Variants in APBA1 observed in about 807,000 individuals in gnomAD.
APBA1 encodes the protein amyloid beta precursor protein binding family A member 1.
Under a neutral mutation model 86.6 loss-of-function variants are expected in APBA1, and 55 were observed. That is an observed-to-expected ratio of 0.64 (90% CI 0.51 to 0.80). APBA1 has a LOEUF of 0.80. Among genes scored for constraint, APBA1 ranks in the 30% least tolerant of loss-of-function variants. The pLI is 0.00. For synonymous variants in APBA1, 511 were observed against 493.9 expected (o/e 1.03, Z -0.46); for missense variants, 1,090 against 1,183.0 (o/e 0.92, Z 1.15).
At chr9:69,586,392 G>T (rs867388076) in intron 1 of APBA1, among the ~76,000 whole-genome samples, 1 of 151,974 alleles carries the variant, frequency 6.6e-6, no homozygotes, top group Non-Finnish European at 1.5e-5. Context: ...AGCACATCAC[G>T]GTCTCAACAC....
intron 10 of APBA1, among the ~76,000 whole-genome samples, chr9:69,441,975 A>C (rs1312417706): frequency 1.3e-5 from 2 of 152,220 alleles, no homozygotes; most frequent in African/African-American, 4.8e-5. Context: ...CAGTGACAGA[A>C]GCCCTGGTGT....
rs1279768460 is a variant in APBA1 at position 69,429,590 on chromosome 9, G to C, written c.*1737C>G. On this transcript the variant is annotated 3_prime_UTR_variant, in exon 13 of 13. Transcript: ENST00000265381. ...TTCCTGTCAAGCACTGAGCTTCCCT[G>C]ATTCTAAGCAGAAAACTCAGAAGAT... 1.3e-5 allele frequency: 2 copies of C among 152,096 alleles called. No individual in the cohort carries two copies. Among genetic ancestry groups the C allele is most frequent in the African/African-American group, 4.8e-5 (2 of 41,424 alleles). The allele number at this position is 152,096 out of a possible 1,614,324, so 9.4% of individuals were successfully genotyped here.
intron 1 of APBA1, among the ~76,000 whole-genome samples, chr9:69,643,595 CAT>C (rs917360556): frequency 2.3e-4 from 35 of 152,278 alleles, no homozygotes; most frequent in African/African-American, 8.4e-4. Context: ...TCTCTATGCA[CAT>C]GAGCCAAACA....
In APBA1 at chr9:69,516,260, C is replaced by G. The variant is rs1379035681; in HGVS notation, c.951G>C (p.Gln317His). The G allele has an allele frequency of 7.2e-7, 1 of 1,383,496 alleles. No homozygotes were observed. The highest frequency in any genetic ancestry group is 3.1e-5 in the East Asian group (1 of 32,742). The allele number at this position is 1,383,496 out of a possible 1,614,324, so 85.7% of individuals were successfully genotyped here. A position where few individuals can be genotyped will look rare whatever the true frequency, so the allele number is the denominator to read the frequency against. The change falls in exon 2 of 13, where the codon CAG (glutamine) becomes CAC (histidine). Residue 317 changes from glutamine (Q) to histidine (H), a missense_variant. Transcript: ENST00000265381. This position sits in a 1 kb window ranked among gnomAD's most constrained non-coding sequence, Gnocchi z 7.3. ...AGGRPDSPGLQAPAGQQRAVG... is the reference protein window; with the variant it reads ...AGGRPDSPGLHAPAGQQRAVG... ...CCGCCCGCTGCTGCCCCGCCGGCGC[C>G]TGCAGCCCGGGGCTGTCGGGGCGAC...
chr9:69,521,587 A>G (rs1015615947), intron 1 of APBA1, among the ~76,000 whole-genome samples: 1 of 152,242 alleles, frequency 6.6e-6, no homozygotes, highest in Non-Finnish European at 1.5e-5. Context: ...GTAAGTAAGT[A>G]AACAAGATAA....
At chr9:69,670,908 A>G (rs955165689) in intron 1 of APBA1, among the ~76,000 whole-genome samples, 2 of 152,154 alleles carry the variant, frequency 1.3e-5, no homozygotes, top group African/African-American at 2.4e-5. Flanking sequence ...AGTGGATGTC[A>G]CCAGCAGTAG....
chr9:69,475,625 C>T (rs1431101516), intron 3 of APBA1, among the ~76,000 whole-genome samples: 1 of 152,192 alleles, frequency 6.6e-6, no homozygotes, highest in Non-Finnish European at 1.5e-5. Context: ...AAGAAACTAA[C>T]ACATTTCCCA....
intron 1 of APBA1, among the ~76,000 whole-genome samples, chr9:69,542,798 G>A (rs1450290947): frequency 6.6e-6 from 1 of 152,188 alleles, no homozygotes; most frequent in Non-Finnish European, 1.5e-5. Flanking sequence ...AATGGTCACT[G>A]TACTTAAAAA....
intron 8 of APBA1, 152 bp from the exon 9 acceptor site, chr9:69,452,453 C>A: frequency 1.5e-6 from 1 of 668,074 alleles, no homozygotes; most frequent in Non-Finnish European, 2.5e-6. Context: ...CGTGGGGCTA[C>A]CAGTGCCCAC....
chr9:69,513,160 C>T (rs1427783767), intron 2 of APBA1, among the ~76,000 whole-genome samples: 1 of 152,210 alleles, frequency 6.6e-6, no homozygotes, highest in Non-Finnish European at 1.5e-5. Flanking sequence ...TTCTTAGCAT[C>T]AAGCTGATTT....
intron 1 of APBA1, among the ~76,000 whole-genome samples, chr9:69,523,059 G>C (rs1348384590): frequency 1.3e-5 from 2 of 152,108 alleles, no homozygotes; most frequent in African/African-American, 4.8e-5. Flanking sequence ...TCCACAGCTT[G>C]GGTGGAAAAG....
At chr9:69,551,129 T>C (rs1239298532) in intron 1 of APBA1, among the ~76,000 whole-genome samples, 1 of 152,358 alleles carries the variant, frequency 6.6e-6, no homozygotes, top group South Asian at 2.1e-4. Context: ...AGTAATTTAA[T>C]GGATACTTTT....
intron 2 of APBA1, chr9:69,494,661 T>C (rs928645913): frequency 1.3e-5 from 2 of 152,148 alleles, no homozygotes; most frequent in Admixed American, 1.3e-4. Context: ...CATTTCCACA[T>C]TTAAGTCCAT....
chr9:69,492,584 G>A (rs1474653874), intron 2 of APBA1, among the ~76,000 whole-genome samples: 1 of 152,118 alleles, frequency 6.6e-6, no homozygotes, highest in East Asian at 1.9e-4. Context: ...TACTGGCTAA[G>A]GCTGGGGGGT....
intron 2 of APBA1, among the ~76,000 whole-genome samples, chr9:69,481,629 T>A (rs1332766722): frequency 2.0e-5 from 3 of 150,938 alleles, no homozygotes. Flanking sequence ...ACTTTAAAGT[T>A]CATATGGAAC....
intron 1 of APBA1, among the ~76,000 whole-genome samples, chr9:69,643,207 T>G (rs954707564): frequency 6.6e-6 from 1 of 152,218 alleles, no homozygotes; most frequent in Non-Finnish European, 1.5e-5. Flanking sequence ...CAAAATTGTT[T>G]GTGTAGACAA....
At chr9:69,660,392 A>G (rs985062520) in intron 1 of APBA1, among the ~76,000 whole-genome samples, 36 of 152,322 alleles carry the variant, frequency 2.4e-4, no homozygotes, top group African/African-American at 8.7e-4. Flanking sequence ...GGCATGAAAC[A>G]CTTCAGCCGG....
chr9:69,613,498 G>A (rs1311636327), intron 1 of APBA1, among the ~76,000 whole-genome samples: 3 of 152,082 alleles, frequency 2.0e-5, no homozygotes, highest in African/African-American at 7.2e-5. Context: ...CTTGCTGCAC[G>A]AGATTTATAG....
At chr9:69,608,831 C>G (rs1188147144) in intron 1 of APBA1, among the ~76,000 whole-genome samples, 1 of 152,194 alleles carries the variant, frequency 6.6e-6, no homozygotes, top group Non-Finnish European at 1.5e-5. Flanking sequence ...TTCCATCAAC[C>G]TCTGTCCCTC....
Sources: allele counts gnomAD v4.1 joint callset (sites outside exome capture counted in the v4.1 genomes callset), GRCh38; gene constraint gnomAD v4.1.1; non-coding constraint Gnocchi (gnomAD v3.1); transcripts MANE v1.5; gene names NCBI Gene and HGNC (gene_info 2026-07-23, HGNC 2026-07-21).